Variants in MALRD1 observed in about 807,000 individuals in gnomAD.
The protein encoded by MALRD1 is MAM and LDL receptor class A domain containing 1.
In MALRD1, 247 loss-of-function variants were observed where a neutral mutation model predicts 242.1. The observed-to-expected ratio is 1.02, with a 90% CI of 0.92 to 1.13. The LOEUF is 1.13. Among genes scored for constraint, MALRD1 ranks in the 50% most tolerant of loss-of-function variants. MALRD1 has a pLI of 0.00. For synonymous variants in MALRD1, 995 were observed against 866.6 expected, an observed-to-expected ratio of 1.15 and a Z score of -2.60; for missense variants, 2,989 against 2,533.1, an observed-to-expected ratio of 1.18 and a Z score of -3.86.
chr10:19,489,440 C>G (rs1837385365), intron 29 of MALRD1: 1 of 587,416 alleles, frequency 1.7e-6, no homozygotes, highest in African/African-American at 1.9e-5. Flanking sequence ...TCCCTGTCTC[C>G]CTTCTTGTAC....
chr10:19,334,597 A>T (rs979472883), intron 24 of MALRD1, among the ~76,000 whole-genome samples: 2 of 152,064 alleles, frequency 1.3e-5, no homozygotes, highest in Non-Finnish European at 2.9e-5. Context: ...ATAGATATAG[A>T]TGTCCTTTTA....
chr10:19,332,177 G>T (rs11009496), intron 24 of MALRD1, among the ~76,000 whole-genome samples: 92,459 of 146,136 alleles, frequency 0.63, 29,297 homozygotes, highest in African/African-American at 0.71. Context: ...AATAAATGTT[G>T]TTTTTTTTTT....
rs74470060 is a variant in MALRD1 at position 19,208,806 on chromosome 10, G to A, written c.2579-462G>A. Among the ~76,000 whole-genome samples, 2,345 of 152,234 alleles carry A rather than the reference G, an allele frequency of 0.015. 103 individuals carry two copies. The East Asian group carries it at 0.18, about 12-fold the overall frequency. ...AGCTTCGAAAAAATCCTGATGCGTG[G>A]CTTTACCACTAGGAGCAATTAAATC... On this transcript the variant is annotated intron_variant, in intron 17 of 39. Coordinates refer to ENST00000454679, the MANE Select transcript of MALRD1 (RefSeq NM_001142308.3).
chr10:19,502,184 C>A lies in MALRD1; in HGVS notation c.5320+3538C>A, dbSNP rs141970647. Among the ~76,000 whole-genome samples, 361 of 151,988 alleles carry A rather than the reference C, an allele frequency of 2.4e-3. 6 individuals are homozygous for A. The East Asian group carries it at 0.049, about 21-fold the overall frequency. On this transcript the variant is annotated intron_variant, in intron 31 of 39. Coordinates refer to ENST00000454679, the MANE Select transcript of MALRD1 (RefSeq NM_001142308.3). ...TTGAAAGGTCTGAACTGTTCTTGTC[C>A]TTTTAATATTTACTTTTTCTTCAAT...
At chr10:19,527,659 T>C (rs1277218238) in intron 31 of MALRD1, among the ~76,000 whole-genome samples, 1 of 152,198 alleles carries the variant, frequency 6.6e-6, no homozygotes, top group Non-Finnish European at 1.5e-5. Context: ...TAGAAATAAC[T>C]TATACAAACA....
chr10:19,713,943 G>A (rs931406998), intron 38 of MALRD1, among the ~76,000 whole-genome samples: 3 of 152,144 alleles, frequency 2.0e-5, no homozygotes, highest in African/African-American at 7.2e-5. Context: ...TTGCTCCGTC[G>A]ATGCCCCGCT....
chr10:19,671,772 A>G (rs1304175649), intron 36 of MALRD1, among the ~76,000 whole-genome samples: 1 of 152,228 alleles, frequency 6.6e-6, no homozygotes, highest in Non-Finnish European at 1.5e-5. Flanking sequence ...AAAATTCTAT[A>G]CATTTTTAAT....
chr10:19,131,323 T>G lies in MALRD1; in HGVS notation c.1111-2533T>G, dbSNP rs1468954784. ...TCTAGCAAGAATGCTGAAGGTTGTT[T>G]TCTTTATTTCCAGAGGACATTAGAA... On this transcript the variant is annotated intron_variant, in intron 8 of 39. Coordinates refer to ENST00000454679, the MANE Select transcript of MALRD1 (RefSeq NM_001142308.3). Among the ~76,000 whole-genome samples, 5 of 152,158 alleles carry G rather than the reference T, an allele frequency of 3.3e-5. No individual in the cohort carries two copies. The East Asian group carries it at 9.6e-4, about 29-fold the overall frequency.
chr10:19,374,509 G>C (rs1845518572), intron 26 of MALRD1, among the ~76,000 whole-genome samples: 1 of 152,190 alleles, frequency 6.6e-6, no homozygotes, highest in South Asian at 2.1e-4. Flanking sequence ...TTTTGAAACA[G>C]TTTTGTGATT....
chr10:19,248,927 T>TTATATTATATATTTATAATATAAATTA (rs796338577), intron 18 of MALRD1, among the ~76,000 whole-genome samples: 15 of 147,272 alleles, frequency 1.0e-4, no homozygotes, highest in South Asian at 8.4e-4. Context: ...ATGTTTTAAT[T>TTATATTATATATTTATAATATAAATTA]TATATTATAT....
chr10:19,338,715 C>T (rs892380691), intron 24 of MALRD1, among the ~76,000 whole-genome samples: 2 of 146,466 alleles, frequency 1.4e-5, no homozygotes, highest in Non-Finnish European at 3.0e-5. Flanking sequence ...AATGGGGTAT[C>T]CATCTCCTCA....
At chr10:19,493,576 G>T (rs374740658) in intron 30 of MALRD1, among the ~76,000 whole-genome samples, 6 of 151,358 alleles carry the variant, frequency 4.0e-5, no homozygotes, top group African/African-American at 1.5e-4. Context: ...TTGGGAGGCC[G>T]ATGCGGGTGG....
chr10:19,703,691 TCAAAACCAGCC>T (rs1161126139), intron 38 of MALRD1, among the ~76,000 whole-genome samples: 5 of 152,134 alleles, frequency 3.3e-5, no homozygotes, highest in Non-Finnish European at 7.4e-5. Context: ...GGTCAGGAGT[TCAAAACCAGCC>T]TGGCCAACAT....
At chr10:19,491,881 T>C (rs1038752291) in intron 30 of MALRD1, among the ~76,000 whole-genome samples, 1 of 145,954 alleles carries the variant, frequency 6.9e-6, no homozygotes, top group African/African-American at 2.8e-5. Flanking sequence ...CTATAGAAAA[T>C]CATTTTACCA....
At chr10:19,162,671 G>A (rs984947196) in intron 12 of MALRD1, among the ~76,000 whole-genome samples, 11 of 152,136 alleles carry the variant, frequency 7.2e-5, no homozygotes, top group Middle Eastern at 3.4e-3. Context: ...ATAACATGCC[G>A]GCAAGGTTGT....
At chr10:19,177,875 C>A (rs372876957) in intron 14 of MALRD1, among the ~76,000 whole-genome samples, 1 of 152,012 alleles carries the variant, frequency 6.6e-6, no homozygotes, top group African/African-American at 2.4e-5. Context: ...GGAAAGGACC[C>A]CTCTAGAATG....
chr10:19,135,594 A>G (rs1365100862), intron 9 of MALRD1, among the ~76,000 whole-genome samples: 1 of 152,210 alleles, frequency 6.6e-6, no homozygotes, highest in East Asian at 1.9e-4. Context: ...TGCCTAATGG[A>G]AATGCTTTAT....
chr10:19,703,560 G>C (rs1464490689), intron 38 of MALRD1, among the ~76,000 whole-genome samples: 3 of 152,186 alleles, frequency 2.0e-5, no homozygotes, highest in Non-Finnish European at 4.4e-5. Flanking sequence ...TAAAAGAAGA[G>C]AGATGTAATC....
At chr10:19,444,714 C>T (rs1353129445) in intron 28 of MALRD1, among the ~76,000 whole-genome samples, 3 of 152,124 alleles carry the variant, frequency 2.0e-5, no homozygotes, top group Non-Finnish European at 4.4e-5. Context: ...GTGGGTAACC[C>T]AACCTTTCTC....
Sources: allele counts gnomAD v4.1 joint callset (sites outside exome capture counted in the v4.1 genomes callset), GRCh38; gene constraint gnomAD v4.1.1; transcripts MANE v1.5; gene names NCBI Gene and HGNC (gene_info 2026-07-23, HGNC 2026-07-21).